NSUN4: variants seen among roughly 807,000 people sequenced by gnomAD.
NSUN4 encodes NOP2/Sun RNA methyltransferase 4, also known as 5-cytosine rRNA methyltransferase NSUN4.
In NSUN4, 31 loss-of-function variants were observed where a neutral mutation model predicts 43.8. The observed-to-expected ratio is 0.71, with a 90% CI of 0.53 to 0.96. The LOEUF (loss-of-function observed/expected upper bound fraction) is 0.96, where lower values mean the gene tolerates loss of function less well. NSUN4 is among the 40% of genes least tolerant of loss of function. NSUN4 has a pLI of 0.00. For synonymous variants in NSUN4, 167 were observed against 184.1 expected, an observed-to-expected ratio of 0.91 and a Z score of 0.75; for missense variants, 439 against 475.6, an observed-to-expected ratio of 0.92 and a Z score of 0.72.
rs115339819 is a variant in NSUN4, at chr1:46,356,733, G to C, written c.753+3705G>C. 5.3e-3 allele frequency among the ~76,000 whole-genome samples: 801 copies of C among 152,002 alleles called. 8 individuals carry two copies. The highest frequency in any genetic ancestry group is 0.018 in the African/African-American group (761 of 41,488). ...AGAAGAAGAAGAATACTACTTCAGG[G>C]CTCTACATACTCTTGGTAACTCCAT... On this transcript the variant is annotated intron_variant, in intron 4 of 5. Coordinates refer to ENST00000474844, the MANE Select transcript of NSUN4 (RefSeq NM_199044.4).
rs1664025777 is a variant in NSUN4, at chr1:46,363,890, A to T, written c.*2044A>T. 6.6e-6 allele frequency: 1 copy of T among 152,246 alleles called. No individual in the cohort carries two copies. The highest frequency in any genetic ancestry group is 1.5e-5 in the Non-Finnish European group (1 of 68,034). The allele number at this position is 152,246 out of a possible 1,614,324, so 9.4% of individuals were successfully genotyped here. On this transcript the variant is annotated 3_prime_UTR_variant, in exon 6 of 6. Coordinates refer to ENST00000474844, the MANE Select transcript of NSUN4 (RefSeq NM_199044.4). ...TAGCATGATGCCCTTTCTAAATGAA[A>T]GGTTTTTTCTTTTCTATGGAGTTAT...
chr1:46,350,022 A>G (rs1235767578), intron 3 of NSUN4, among the ~76,000 whole-genome samples: 2 of 152,258 alleles, frequency 1.3e-5, no homozygotes, highest in Non-Finnish European at 2.9e-5. Context: ...ACGGGATCAC[A>G]GAATTTGTAT....
rs1664074315 is a variant in NSUN4, at chr1:46,364,627, G to A, written c.*2781G>A. On this transcript the variant is annotated 3_prime_UTR_variant, in exon 6 of 6. Transcript: ENST00000474844. ...GTGGAGGTTTCAGTGAGCCAAGATAGCGCCATTGCACTCCAGCGTGGGCGA... is the reference window on the plus strand; with the variant it reads ...GTGGAGGTTTCAGTGAGCCAAGATAACGCCATTGCACTCCAGCGTGGGCGA... 1 of 152,238 alleles carries A rather than the reference G, an allele frequency of 6.6e-6. No individual in the cohort carries two copies. The highest frequency in any genetic ancestry group is 6.5e-5 in the Admixed American group (1 of 15,276). The allele number at this position is 152,238 out of a possible 1,614,324, so 9.4% of individuals were successfully genotyped here.
intron 5 of NSUN4, among the ~76,000 whole-genome samples, chr1:46,361,133 C>A (rs1663837245): frequency 6.6e-6 from 1 of 152,086 alleles, no homozygotes; most frequent in African/African-American, 2.4e-5. Flanking sequence ...GGTAACAGAG[C>A]AAGACTCTGT....
chr1:46,352,658 A>G (rs1188466352), intron 3 of NSUN4, among the ~76,000 whole-genome samples: 8 of 152,192 alleles, frequency 5.3e-5, no homozygotes, highest in African/African-American at 1.9e-4. Context: ...ATTGACTTAA[A>G]TAACTTTGAT....
chr1:46,377,656 G>C, the NSUN4 span, among the ~76,000 whole-genome samples: 1 of 152,114 alleles, frequency 6.6e-6, no homozygotes, highest in Non-Finnish European at 1.5e-5. Context: ...AAATGTTTTC[G>C]TAATAAAATT....
chr1:46,372,764 C>T, the NSUN4 span, among the ~76,000 whole-genome samples: 1 of 152,160 alleles, frequency 6.6e-6, no homozygotes, highest in Non-Finnish European at 1.5e-5. Flanking sequence ...CAATCTGTTG[C>T]CAGGCTGGAG....
chr1:46,356,147 C>T (rs1259430037), intron 4 of NSUN4, among the ~76,000 whole-genome samples: 2 of 152,158 alleles, frequency 1.3e-5, no homozygotes, highest in African/African-American at 2.4e-5. Context: ...TCATGGCTCA[C>T]TGCAGTCTTG....
chr1:46,354,287 C>CG (rs1663214883), intron 4 of NSUN4, among the ~76,000 whole-genome samples: 1 of 151,902 alleles, frequency 6.6e-6, no homozygotes, highest in African/African-American at 2.4e-5. Flanking sequence ...TTTGTAGAGA[C>CG]GGGGTCTCAC....
At chr1:46,367,763 CTTTT>C (rs35109012), downstream of NSUN4, among the ~76,000 whole-genome samples, 106 of 124,600 alleles carry the variant, frequency 8.5e-4, no homozygotes, top group Middle Eastern at 4.1e-3. Flanking sequence ...TCTGAAATTT[CTTTT>C]TTTTTTTTTT....
chr1:46,381,988 T>A, the NSUN4 span, among the ~76,000 whole-genome samples: 1 of 152,124 alleles, frequency 6.6e-6, no homozygotes, highest in Admixed American at 6.5e-5. Flanking sequence ...CTTAACATAC[T>A]CAAGAGCCTG....
At chr1:46,384,683 C>T in the NSUN4 span, among the ~76,000 whole-genome samples, 2 of 152,174 alleles carry the variant, frequency 1.3e-5, no homozygotes, top group East Asian at 1.9e-4. Context: ...GGAACAATGG[C>T]CCATGATTCT....
At chr1:46,347,742 A>G (rs1341704116) in intron 3 of NSUN4, among the ~76,000 whole-genome samples, 1 of 149,608 alleles carries the variant, frequency 6.7e-6, no homozygotes, top group East Asian at 1.9e-4. Flanking sequence ...TTTATATGTC[A>G]CTCTTCTAGG....
At chr1:46,372,895 G>A in the NSUN4 span, among the ~76,000 whole-genome samples, 15 of 152,252 alleles carry the variant, frequency 9.9e-5, no homozygotes, top group East Asian at 2.9e-3. Flanking sequence ...GTTAATTTTT[G>A]TATTTTTAGT....
intron 3 of NSUN4, among the ~76,000 whole-genome samples, chr1:46,349,893 A>T (rs1662854252): frequency 6.6e-6 from 1 of 152,190 alleles, no homozygotes; most frequent in Non-Finnish European, 1.5e-5. Context: ...TTGAACTAGG[A>T]GGAGGAAGAA....
At chr1:46,378,585 GT>G in the NSUN4 span, among the ~76,000 whole-genome samples, 1 of 152,344 alleles carries the variant, frequency 6.6e-6, no homozygotes, top group South Asian at 2.1e-4. Context: ...CTGGTTGTCT[GT>G]AAGGCCTCGG....
intron 5 of NSUN4, 139 bp downstream of exon 5, chr1:46,360,967 TC>T (rs1224164835): frequency 2.1e-6 from 2 of 954,718 alleles, no homozygotes; most frequent in Non-Finnish European, 3.2e-6. Context: ...AGAAATGGGA[TC>T]ATCTCTGGAA....
the NSUN4 span, among the ~76,000 whole-genome samples, chr1:46,379,418 C>T: frequency 2.6e-5 from 4 of 152,114 alleles, no homozygotes; most frequent in Admixed American, 2.0e-4. Flanking sequence ...AGATCTAGAC[C>T]ATCCTGGCCA....
At chr1:46,355,912 G>A (rs1663331646) in intron 4 of NSUN4, among the ~76,000 whole-genome samples, 1 of 152,034 alleles carries the variant, frequency 6.6e-6, no homozygotes, top group Admixed American at 6.6e-5. Context: ...TACTTGGGAG[G>A]CTGAGGCAGG....
Sources: allele counts gnomAD v4.1 joint callset (sites outside exome capture counted in the v4.1 genomes callset), GRCh38; gene constraint gnomAD v4.1.1; transcripts MANE v1.5; gene names NCBI Gene and HGNC (gene_info 2026-07-23, HGNC 2026-07-21).